The following DPYS variants were observed in gnomAD, a reference collection of about 807,000 sequenced individuals.
DPYS encodes the protein dihydropyrimidinase.
DPYS carries 39 observed loss-of-function variants against 50.3 expected under a neutral mutation model. The observed-to-expected ratio is 0.78, with a 90% confidence interval of 0.60 to 1.01. DPYS has a LOEUF of 1.01. Ranked by LOEUF, DPYS falls within the 50% of genes least tolerant of loss-of-function variation. The pLI is 0.00. For missense variants in DPYS, 659 were observed against 680.9 expected (o/e 0.97, Z 0.36); for synonymous variants, 245 against 250.7 (o/e 0.98, Z 0.22).
intron 8 of DPYS, among the ~76,000 whole-genome samples, chr8:104,384,962 G>C (rs141131791): frequency 1.6e-4 from 24 of 152,254 alleles, no homozygotes; most frequent in African/African-American, 4.8e-4. Context: ...TCTGAAGGTT[G>C]GTGGGCCCAG....
intron 7 of DPYS, chr8:104,424,045 C>A (rs973461931): frequency 2.6e-5 from 26 of 984,894 alleles, no homozygotes; most frequent in Non-Finnish European, 3.0e-5. Flanking sequence ...TGCAACACAA[C>A]TTCTACATCC....
intron 1 of DPYS, 57 bp from the exon 2 acceptor site, chr8:104,451,461 T>C (rs1323013035): frequency 6.2e-7 from 1 of 1,608,504 alleles, no homozygotes; most frequent in African/African-American, 1.3e-5. Context: ...TTAAGTCATT[T>C]ATCATCTTGA....
intron 5 of DPYS, chr8:104,429,115 G>A: frequency 4.9e-6 from 1 of 202,916 alleles, no homozygotes; most frequent in Non-Finnish European, 1.0e-5. Flanking sequence ...ACAAGCATGA[G>A]CCACTGCATC....
intron 7 of DPYS, among the ~76,000 whole-genome samples, chr8:104,414,096 A>C (rs1812285958): frequency 6.6e-6 from 1 of 152,212 alleles, no homozygotes. Flanking sequence ...AAGGCTAAAC[A>C]TGTGAAGGTC....
At chr8:104,439,890 AG>A (rs1217942609) in intron 4 of DPYS, among the ~76,000 whole-genome samples, 6 of 152,206 alleles carry the variant, frequency 3.9e-5, no homozygotes, top group Admixed American at 2.6e-4. Flanking sequence ...TGACAGAAAA[AG>A]TTTGGGCTTT....
At chr8:104,401,224 T>C (rs1426615279) in intron 7 of DPYS, among the ~76,000 whole-genome samples, 1 of 152,136 alleles carries the variant, frequency 6.6e-6, no homozygotes, top group Non-Finnish European at 1.5e-5. Context: ...CTACATTGTG[T>C]TGTGTGATGC....
At chr8:104,422,841 G>A (rs1812591237) in intron 7 of DPYS, among the ~76,000 whole-genome samples, 1 of 152,140 alleles carries the variant, frequency 6.6e-6, no homozygotes, top group Admixed American at 6.5e-5. Flanking sequence ...GCCCCTGCTG[G>A]GTGTACAGCA....
chr8:104,388,939 G>T (rs1192210767), intron 8 of DPYS, among the ~76,000 whole-genome samples: 1 of 152,190 alleles, frequency 6.6e-6, no homozygotes, highest in Non-Finnish European at 1.5e-5. Context: ...GGGGTAATCT[G>T]CTGGGTAAAT....
rs184885016 is a variant in DPYS, at chr8:104,436,637, A to G, written c.794-6936T>C. ...ACAAAACCCTGAAAAATTGAACTAGAAAGAAACAGAGTAACCCAGGAAACA... is the reference window on the plus strand; with the variant it reads ...ACAAAACCCTGAAAAATTGAACTAGGAAGAAACAGAGTAACCCAGGAAACA... On this transcript the variant is annotated intron_variant, in intron 4 of 9. Transcript: ENST00000351513. Among the ~76,000 whole-genome samples the G allele has an allele frequency of 5.9e-5, 9 of 152,106 alleles. No individual in the cohort carries two copies. The East Asian group carries it at 1.2e-3, about 20-fold the overall frequency.
chr8:104,454,906 A>G (rs570011265), intron 1 of DPYS, among the ~76,000 whole-genome samples: 14 of 152,158 alleles, frequency 9.2e-5, no homozygotes, highest in Non-Finnish European at 1.5e-4. Flanking sequence ...AAGTGCTGTG[A>G]TGCTGTTTTT....
At chr8:104,420,711 A>AC (rs1262216902) in intron 7 of DPYS, 4 of 151,546 alleles carry the variant, frequency 2.6e-5, no homozygotes, top group Non-Finnish European at 4.4e-5. Context: ...AAAAAAAAAA[A>AC]AAAAAACGAT....
rs375504956 is a variant in DPYS at position 104,451,308 on chromosome 8, C to A, written c.361G>T (p.Ala121Ser). 4.3e-6 allele frequency: 7 copies of A among 1,614,028 alleles called. No homozygotes were observed. Among genetic ancestry groups the A allele is most frequent in the Non-Finnish European group, 5.9e-6 (7 of 1,180,034 alleles). The change falls in exon 2 of 10, where the codon GCT becomes TCT. Residue 121 changes from alanine (A) to serine (S), a missense_variant. Physicochemically the swap from Ala to Ser is moderately conservative, Grantham distance 99. Coordinates refer to ENST00000351513, the MANE Select transcript of DPYS (RefSeq NM_001385.3). ...IEAFETWRSW[A>S]DPKVCCDYSL... is the part of the protein sequence containing the mutation. ...TAGTCGCAGCAAACTTTGGGATCAG[C>A]CCAGCTTCGCCAGGTCTCGAAGGCC...
intron 1 of DPYS, among the ~76,000 whole-genome samples, chr8:104,465,006 T>C (rs1371647999): frequency 6.6e-6 from 1 of 152,236 alleles, no homozygotes; most frequent in Non-Finnish European, 1.5e-5. Flanking sequence ...TATAGGTTGA[T>C]AATTAGTAAT....
intron 7 of DPYS, among the ~76,000 whole-genome samples, chr8:104,416,514 A>G (rs1812374138): frequency 6.6e-6 from 1 of 152,126 alleles, no homozygotes; most frequent in Non-Finnish European, 1.5e-5. Flanking sequence ...GACCCACACA[A>G]TGCACACTGG....
intron 4 of DPYS, among the ~76,000 whole-genome samples, chr8:104,438,713 C>A (rs905196229): frequency 1.3e-5 from 2 of 152,102 alleles, no homozygotes; most frequent in African/African-American, 4.8e-5. Context: ...GATAATAATA[C>A]AGCTGGTAGA....
Position 104,386,430 on chromosome 8 carries a change from G to A in DPYS, c.1444-5116C>T, listed in dbSNP as rs150910443. Among the ~76,000 whole-genome samples the A allele has an allele frequency of 1.4e-3, 205 of 151,840 alleles. 1 individual carries two copies. The highest frequency in any genetic ancestry group is 4.7e-3 in the African/African-American group (196 of 41,434). On this transcript the variant is annotated intron_variant, in intron 8 of 9. Transcript: ENST00000351513. ...CGCCTGTAGTCCCAGCTACTTGGGA[G>A]GCTGAGGCAGGAGAATTGCTTGAAC...
chr8:104,415,922 C>A (rs1367173536), intron 7 of DPYS, among the ~76,000 whole-genome samples: 1 of 152,130 alleles, frequency 6.6e-6, no homozygotes, highest in African/African-American at 2.4e-5. Flanking sequence ...TGACCACCTA[C>A]TACTACTATC....
chr8:104,381,532 C>T (rs1588390710), intron 8 of DPYS: 1 of 500,430 alleles, frequency 2.0e-6, no homozygotes, highest in Non-Finnish European at 3.6e-6. Flanking sequence ...AGACAGAGGC[C>T]CAGGGACACT....
At chr8:104,414,297 G>A (rs571465201) in intron 7 of DPYS, among the ~76,000 whole-genome samples, 9 of 152,266 alleles carry the variant, frequency 5.9e-5, no homozygotes, top group African/African-American at 2.2e-4. Flanking sequence ...CTAATTTTAT[G>A]ACTCTAAACC....
Sources: gnomAD v4.1 joint callset for allele counts (sites outside exome capture counted in the v4.1 genomes callset) on GRCh38, gnomAD v4.1.1 for gene constraint, MANE v1.5 for transcripts, NCBI Gene and HGNC (gene_info 2026-07-23, HGNC 2026-07-21) for gene names.